Variants in COLEC12 observed in about 807,000 individuals in gnomAD.
The protein encoded by COLEC12 is collectin-12.
A neutral mutation model predicts 71.1 loss-of-function variants in COLEC12; 33 were observed. The observed-to-expected ratio is 0.46, with a 90% confidence interval of 0.35 to 0.62. The LOEUF (loss-of-function observed/expected upper bound fraction) is 0.62. COLEC12 is among the 20% of genes least tolerant of loss of function. COLEC12 has a pLI of 0.00. For missense variants in COLEC12, 765 were observed against 916.1 expected, an observed-to-expected ratio of 0.84 and a Z score of 2.13; for synonymous variants, 350 against 353.0, an observed-to-expected ratio of 0.99 and a Z score of 0.10.
chr18:480,568 C>T lies in COLEC12; in HGVS notation c.58+139G>A. ...CCCCTGGGACACAGACACTCACTTT[C>T]CAACCAAAATTGGACCTCAGAGCCA... On this transcript the variant is annotated intron_variant, in intron 2 of 9. Coordinates refer to ENST00000400256, the MANE Select transcript of COLEC12 (RefSeq NM_130386.3). The surrounding 1 kb of genome is among the most constrained non-coding windows in gnomAD (Gnocchi z 4.1). 1.3e-6 allele frequency: 1 copy of T among 766,704 alleles called. No individual in the cohort carries two copies. The allele number at this position is 766,704 out of a possible 1,614,324, so 47.5% of individuals were successfully genotyped here.
chr18:473,416 T>C (rs1404815298), intron 2 of COLEC12, among the ~76,000 whole-genome samples: 1 of 152,116 alleles, frequency 6.6e-6, no homozygotes. Flanking sequence ...AGGCTGGAGT[T>C]CAGTGGCGTG....
chr18:336,237 C>T (rs146913621), intron 5 of COLEC12, among the ~76,000 whole-genome samples: 2 of 152,192 alleles, frequency 1.3e-5, no homozygotes, highest in East Asian at 3.9e-4. Context: ...GGGCCTCACT[C>T]ACCCATGGGC....
chr18:356,447 A>T (rs1387177134), intron 3 of COLEC12, among the ~76,000 whole-genome samples: 1 of 152,094 alleles, frequency 6.6e-6, no homozygotes, highest in Non-Finnish European at 1.5e-5. Flanking sequence ...CACCCATCTC[A>T]TTCCAATACA....
At chr18:368,688 C>T (rs955903758) in intron 2 of COLEC12, among the ~76,000 whole-genome samples, 26 of 150,466 alleles carry the variant, frequency 1.7e-4, no homozygotes, top group African/African-American at 4.0e-4. Flanking sequence ...CATGGTGAAA[C>T]CCCGTCTCCA....
At chr18:381,789 G>A (rs1598345656) in intron 2 of COLEC12, among the ~76,000 whole-genome samples, 1 of 152,292 alleles carries the variant, frequency 6.6e-6, no homozygotes, top group South Asian at 2.1e-4. Flanking sequence ...GAAATTCTGT[G>A]CAGTAGATAA....
intron 1 of COLEC12, among the ~76,000 whole-genome samples, chr18:497,160 T>G (rs569999921): frequency 6.6e-6 from 1 of 152,308 alleles, no homozygotes; most frequent in East Asian, 1.9e-4. Context: ...GGATGTTTGC[T>G]GAATGCAACA....
intron 1 of COLEC12, among the ~76,000 whole-genome samples, chr18:484,407 G>T (rs1917481594): frequency 6.6e-6 from 1 of 152,090 alleles, no homozygotes. Flanking sequence ...CATCCGAAAA[G>T]GATTAGGGAT....
chr18:469,240 C>T (rs887491305), intron 2 of COLEC12, among the ~76,000 whole-genome samples: 2 of 152,222 alleles, frequency 1.3e-5, no homozygotes, highest in Admixed American at 6.5e-5. Flanking sequence ...TAGAACACCA[C>T]CAGACAGAAG....
At chr18:402,541 CAG>C (rs2143617546) in intron 2 of COLEC12, among the ~76,000 whole-genome samples, 1 of 152,188 alleles carries the variant, frequency 6.6e-6, no homozygotes, top group African/African-American at 2.4e-5. Flanking sequence ...AAAGGCTGAC[CAG>C]AGTGTGGGGA....
chr18:363,293 C>T (rs1914787625), intron 2 of COLEC12, among the ~76,000 whole-genome samples: 1 of 152,084 alleles, frequency 6.6e-6, no homozygotes, highest in African/African-American at 2.4e-5. Context: ...TGAAGGTGGG[C>T]TTGTGTGTTA....
At chr18:471,206 A>C (rs1402389695) in intron 2 of COLEC12, among the ~76,000 whole-genome samples, 1 of 152,280 alleles carries the variant, frequency 6.6e-6, no homozygotes, top group Non-Finnish European at 1.5e-5. Flanking sequence ...AACCTATAAA[A>C]GAATAAAAAT....
chr18:431,746 C>T (rs146706329), intron 2 of COLEC12, among the ~76,000 whole-genome samples: 1 of 152,308 alleles, frequency 6.6e-6, no homozygotes, highest in East Asian at 1.9e-4. Flanking sequence ...CCCACATTTA[C>T]TGGTCCTCGG....
Position 488,765 on chromosome 18 carries a change from C to T in COLEC12, c.8-8008G>A, listed in dbSNP as rs143521143. Among the ~76,000 whole-genome samples, 590 of 148,572 alleles carry T rather than the reference C, an allele frequency of 4.0e-3. 6 individuals are homozygous for T. Among genetic ancestry groups the T allele is most frequent in the African/African-American group, 0.014 (556 of 40,334 alleles). On this transcript the variant is annotated intron_variant, in intron 1 of 9. Coordinates refer to ENST00000400256, the MANE Select transcript of COLEC12 (RefSeq NM_130386.3). ...GTGTGCACCTGTAATACCAGCTACT[C>T]GGGAGGCTGAGGCAGGAGAATTGCT...
At position 318,612 on chromosome 18, in the gene COLEC12, C is replaced by G. The variant is rs960474242; in HGVS notation, c.*1433G>C. The G allele has an allele frequency of 6.6e-6, 1 of 151,220 alleles. No individual in the cohort carries two copies. Among genetic ancestry groups the G allele is most frequent in the African/African-American group, 2.4e-5 (1 of 41,042 alleles). The allele number at this position is 151,220 out of a possible 1,614,324, so 9.4% of individuals were successfully genotyped here. On this transcript the variant is annotated 3_prime_UTR_variant, in exon 10 of 10. Coordinates refer to ENST00000400256, the MANE Select transcript of COLEC12 (RefSeq NM_130386.3). ...GGCTCAAGCGATTCTCCTGCCTCAG[C>G]CTCCTGAGTAGCTGGGATTACAGGC...
chr18:407,000 A>C (rs1915804225), intron 2 of COLEC12, among the ~76,000 whole-genome samples: 1 of 152,196 alleles, frequency 6.6e-6, no homozygotes, highest in Non-Finnish European at 1.5e-5. Flanking sequence ...GTCTGTTAGC[A>C]AGGTCCTGTG....
At chr18:401,367 A>G (rs868102764) in intron 2 of COLEC12, among the ~76,000 whole-genome samples, 16 of 152,324 alleles carry the variant, frequency 1.1e-4, no homozygotes, top group African/African-American at 3.8e-4. Flanking sequence ...TAAAATCTCC[A>G]GTAACTGCCA....
At chr18:455,428 C>T (rs1320179551) in intron 2 of COLEC12, among the ~76,000 whole-genome samples, 3 of 152,022 alleles carry the variant, frequency 2.0e-5, no homozygotes, top group Admixed American at 6.6e-5. Context: ...CAGGTGCCCG[C>T]CACCATGCCT....
intron 2 of COLEC12, 119 bp from the exon 3 acceptor site, chr18:357,641 C>A (rs548973619): frequency 3.0e-5 from 22 of 729,928 alleles, no homozygotes; most frequent in Non-Finnish European, 4.6e-5. Context: ...CCTTACTATA[C>A]TATGAGAACT....
At chr18:477,994 T>C (rs1253473961) in intron 2 of COLEC12, among the ~76,000 whole-genome samples, 3 of 152,194 alleles carry the variant, frequency 2.0e-5, no homozygotes, top group Non-Finnish European at 2.9e-5. Context: ...TGGATTCAAC[T>C]GGCCACTTCT....
Sources: allele counts gnomAD v4.1 joint callset (sites outside exome capture counted in the v4.1 genomes callset), GRCh38; gene constraint gnomAD v4.1.1; non-coding constraint Gnocchi (gnomAD v3.1); transcripts MANE v1.5; gene names NCBI Gene and HGNC (gene_info 2026-07-23, HGNC 2026-07-21).